EDIL3: variants seen among roughly 807,000 people sequenced by gnomAD.
EDIL3 encodes the protein EGF-like repeat and discoidin I-like domain-containing protein 3.
In EDIL3, 37 loss-of-function variants were observed where a neutral mutation model predicts 67.4. That is an observed-to-expected ratio of 0.55 (90% confidence interval 0.42 to 0.72). EDIL3 has a LOEUF of 0.72. Ranked by LOEUF, EDIL3 falls within the 30% of genes least tolerant of loss-of-function variation. EDIL3 has a pLI of 0.00. For missense variants in EDIL3, 527 were observed against 586.3 expected, an observed-to-expected ratio of 0.90 and a Z score of 1.04; for synonymous variants, 195 against 196.3, an observed-to-expected ratio of 0.99 and a Z score of 0.05.
chr5:84,133,776 T>A (rs1395078950), intron 5 of EDIL3, among the ~76,000 whole-genome samples: 1 of 151,848 alleles, frequency 6.6e-6, no homozygotes, highest in African/African-American at 2.4e-5. Context: ...ATAAAAATAA[T>A]AAAACTTAAC....
chr5:84,248,045 T>C (rs555620141), intron 2 of EDIL3, among the ~76,000 whole-genome samples: 8 of 152,164 alleles, frequency 5.3e-5, no homozygotes, highest in Non-Finnish European at 1.2e-4. Flanking sequence ...TTAACTGCTA[T>C]ATCCTCAGTG....
intron 1 of EDIL3, among the ~76,000 whole-genome samples, chr5:84,297,183 A>AC (rs1358825445): frequency 6.6e-6 from 1 of 151,250 alleles, no homozygotes; most frequent in East Asian, 1.9e-4. Context: ...CTCCGAAAAA[A>AC]AAAAAAAAAA....
intron 4 of EDIL3, among the ~76,000 whole-genome samples, chr5:84,150,994 A>C (rs1453306008): frequency 6.6e-6 from 1 of 152,112 alleles, no homozygotes; most frequent in Non-Finnish European, 1.5e-5. Flanking sequence ...AAAGTAAATC[A>C]GTGATTGGGA....
chr5:83,947,363 CTGTGTCTGTGTGTGTG>C (rs1197867850), intron 10 of EDIL3, among the ~76,000 whole-genome samples: 2 of 126,654 alleles, frequency 1.6e-5, no homozygotes, highest in Non-Finnish European at 3.5e-5. Context: ...GTGTCTGTGT[CTGTGTCTGTGTGTGTG>C]TGTGTGTGTG....
At chr5:84,376,096 T>C (rs1352254819) in intron 1 of EDIL3, among the ~76,000 whole-genome samples, 1 of 152,198 alleles carries the variant, frequency 6.6e-6, no homozygotes, top group Non-Finnish European at 1.5e-5. Flanking sequence ...AGATCCTAAT[T>C]TTAACATGCT....
intron 4 of EDIL3, among the ~76,000 whole-genome samples, chr5:84,179,238 T>C (rs1038026839): frequency 1.3e-5 from 2 of 152,134 alleles, no homozygotes; most frequent in Non-Finnish European, 2.9e-5. Context: ...GAAGTGTCCA[T>C]GTGTGAAGGC....
At position 84,022,662 on chromosome 5, in the gene EDIL3, T is replaced by C. The variant is rs147139610; in HGVS notation, c.1137+37638A>G. Reference sequence around the variant, plus strand: ...AGGCACAGACAGACAGACAGACAAATTGCCACATGTTCTCACTCATATATG... The same window carrying C: ...AGGCACAGACAGACAGACAGACAAACTGCCACATGTTCTCACTCATATATG... On this transcript the variant is annotated intron_variant, in intron 9 of 10. Transcript: ENST00000296591. Among the ~76,000 whole-genome samples, 22 of 151,950 alleles carry C rather than the reference T, an allele frequency of 1.4e-4. No individual in the cohort carries two copies. In the South Asian group the frequency reaches 2.5e-3, roughly 17 times the overall value.
At chr5:83,982,497 G>C (rs1209261365) in intron 9 of EDIL3, among the ~76,000 whole-genome samples, 1 of 151,962 alleles carries the variant, frequency 6.6e-6, no homozygotes. Flanking sequence ...AATTTTGGCT[G>C]TTGTCTGTAA....
chr5:84,162,449 G>C (rs1748630452), intron 4 of EDIL3, among the ~76,000 whole-genome samples: 1 of 152,128 alleles, frequency 6.6e-6, no homozygotes, highest in South Asian at 2.1e-4. Flanking sequence ...CAAAGTGGAT[G>C]AGATGAAATC....
At chr5:84,137,173 G>A in intron 5 of EDIL3, 68 bp downstream of exon 5, 1 of 1,062,002 alleles carries the variant, frequency 9.4e-7, no homozygotes, top group Non-Finnish European at 1.3e-6. Context: ...ATATATGTGT[G>A]TGTGTATACA....
chr5:84,184,392 G>A (rs1238150319), intron 3 of EDIL3, among the ~76,000 whole-genome samples: 1 of 152,200 alleles, frequency 6.6e-6, no homozygotes, highest in Non-Finnish European at 1.5e-5. Flanking sequence ...AGTCTTCAAG[G>A]AGAGACAGAA....
intron 9 of EDIL3, among the ~76,000 whole-genome samples, chr5:84,014,796 A>G (rs55870825): frequency 0.014 from 2,168 of 152,314 alleles, 61 homozygotes; most frequent in African/African-American, 0.05. Context: ...AAAACTAGCT[A>G]ACTGACTAAG....
intron 6 of EDIL3, among the ~76,000 whole-genome samples, chr5:84,090,481 G>A (rs974875831): frequency 5.9e-5 from 9 of 152,036 alleles, no homozygotes; most frequent in South Asian, 2.1e-4. Flanking sequence ...ATCAAAATTC[G>A]CTGGGGGTAT....
intron 6 of EDIL3, among the ~76,000 whole-genome samples, chr5:84,067,327 C>T (rs1378687221): frequency 1.3e-5 from 2 of 152,100 alleles, no homozygotes; most frequent in Non-Finnish European, 2.9e-5. Context: ...TAATATTCTT[C>T]TCATGTTTAA....
intron 2 of EDIL3, among the ~76,000 whole-genome samples, chr5:84,242,064 C>CAAA (rs397702402): frequency 0.026 from 3,236 of 122,236 alleles, 153 homozygotes; most frequent in African/African-American, 0.096. Flanking sequence ...ACTAAAAGTA[C>CAAA]AAAAAAAAAA....
intron 1 of EDIL3, among the ~76,000 whole-genome samples, chr5:84,270,703 T>G (rs1745454192): frequency 6.6e-6 from 1 of 152,150 alleles, no homozygotes; most frequent in Admixed American, 6.5e-5. Context: ...AACTTCACAA[T>G]CATCATAGGC....
chr5:84,276,805 C>G (rs1745591325), intron 1 of EDIL3, among the ~76,000 whole-genome samples: 1 of 152,024 alleles, frequency 6.6e-6, no homozygotes. Flanking sequence ...AACTCCTGAC[C>G]TCGCGATCCA....
intron 1 of EDIL3, among the ~76,000 whole-genome samples, chr5:84,289,675 T>C (rs538771730): frequency 6.6e-6 from 1 of 152,296 alleles, no homozygotes; most frequent in South Asian, 2.1e-4. Context: ...GACTAACATC[T>C]GATTCTTAGG....
rs1404388646 is a variant in EDIL3, at chr5:84,384,476, A to C, written c.-102T>G. On this transcript the variant is annotated 5_prime_UTR_variant, in exon 1 of 11. Coordinates refer to ENST00000296591, the MANE Select transcript of EDIL3 (RefSeq NM_005711.5). ...GGCAGCAGCAGACTCCGCCCCTACT[A>C]AAGAATTCAAGAAGACGTTCTCTTT... 1.8e-6 allele frequency: 2 copies of C among 1,116,532 alleles called. No individual in the cohort carries two copies. The highest frequency in any genetic ancestry group is 5.0e-5 in the East Asian group (2 of 40,226). The allele number at this position is 1,116,532 out of a possible 1,614,324, so 69.2% of individuals were successfully genotyped here. A position where few individuals can be genotyped will look rare whatever the true frequency, so the allele number is the denominator to read the frequency against.
Sources: gnomAD v4.1 joint callset for allele counts (sites outside exome capture counted in the v4.1 genomes callset) on GRCh38, gnomAD v4.1.1 for gene constraint, MANE v1.5 for transcripts, NCBI Gene and HGNC (gene_info 2026-07-23, HGNC 2026-07-21) for gene names.